The following HTRA1 variants were observed in gnomAD, a reference collection of about 807,000 sequenced individuals.
HTRA1 encodes the protein serine protease HTRA1.
In HTRA1, 26 loss-of-function variants were observed where a neutral mutation model predicts 49.7. The ratio of observed to expected loss-of-function variants is 0.52; its 90% CI spans 0.38 to 0.73. The LOEUF is 0.73. Among genes scored for constraint, HTRA1 ranks in the 30% least tolerant of loss-of-function variants. The pLI is 0.00. For synonymous variants in HTRA1, 291 were observed against 286.9 expected, an observed-to-expected ratio of 1.01 and a Z score of -0.14; for missense variants, 561 against 667.2, an observed-to-expected ratio of 0.84 and a Z score of 1.75.
At chr10:122,510,302 C>G (rs76357476) in intron 7 of HTRA1, 149 bp downstream of exon 7, 16,514 of 739,896 alleles carry the variant, frequency 0.022, 449 homozygotes, top group East Asian at 0.13. Flanking sequence ...GGAAAGAGGA[C>G]AGGTCATTAG....
chr10:122,513,657 T>TG (rs1381625003), intron 8 of HTRA1, among the ~76,000 whole-genome samples: 4 of 105,920 alleles, frequency 3.8e-5, no homozygotes, highest in Non-Finnish European at 7.7e-5. Flanking sequence ...AAAAAAAGAG[T>TG]GGGGAAAAAA....
At position 122,474,150 on chromosome 10, in the gene HTRA1, A is replaced by G. The variant is rs551873171; in HGVS notation, c.472+12026A>G. Among the ~76,000 whole-genome samples the G allele has an allele frequency of 2.0e-4, 31 of 152,326 alleles. 2 individuals are homozygous for G. The South Asian group carries it at 5.0e-3, about 24-fold the overall frequency. On this transcript the variant is annotated intron_variant, in intron 1 of 8. Transcript: ENST00000368984. ...CGCACTGAAAGGAAAACATGAGGAA[A>G]TGCACTTTTCAGATTTATTAGATCA... is the stretch of plus-strand genomic sequence containing the variant.
At chr10:122,508,908 G>A (rs2097504359) in intron 6 of HTRA1, 138 bp downstream of exon 6, 2 of 668,070 alleles carry the variant, frequency 3.0e-6, no homozygotes, top group Admixed American at 2.3e-5. Context: ...GAACGGGAAT[G>A]CACATTACTA....
intron 8 of HTRA1, 144 bp from the exon 9 acceptor site, chr10:122,514,047 G>A: frequency 1.2e-6 from 1 of 849,150 alleles, no homozygotes; most frequent in Non-Finnish European, 2.0e-6. Flanking sequence ...CCCACTGATG[G>A]TTTGAATTAT....
chr10:122,495,422 G>A (rs183481096), intron 3 of HTRA1, among the ~76,000 whole-genome samples: 159 of 152,272 alleles, frequency 1.0e-3, no homozygotes, highest in African/African-American at 3.7e-3. Flanking sequence ...TATTTCATGA[G>A]GGAATGTGAA....
At chr10:122,481,514 G>A (rs1242752309) in intron 1 of HTRA1, among the ~76,000 whole-genome samples, 3 of 152,190 alleles carry the variant, frequency 2.0e-5, no homozygotes, top group Non-Finnish European at 4.4e-5. Context: ...AGGGCAGATG[G>A]AGGGCTCCAC....
intron 5 of HTRA1, among the ~76,000 whole-genome samples, chr10:122,508,279 T>C (rs1364456079): frequency 6.6e-6 from 1 of 152,094 alleles, no homozygotes; most frequent in East Asian, 1.9e-4. Context: ...GTCAGCAGAG[T>C]CATCTTAAGA....
rs759778908 is a variant in HTRA1, at chr10:122,496,222, TG to T, written c.777+6599del. ...TTGCCCTTTCGTTTGCCAGAGATTG[TG>T]GGTTCTTTTTTTTTTTTTTTTTTTT... On this transcript the variant is annotated intron_variant, in intron 3 of 8. Coordinates refer to ENST00000368984, the MANE Select transcript of HTRA1 (RefSeq NM_002775.5). Among the ~76,000 whole-genome samples, 82 of 122,578 alleles carry T rather than the reference TG, an allele frequency of 6.7e-4. 2 individuals are homozygous for T. The highest frequency in any genetic ancestry group is 4.1e-3 in the East Asian group (15 of 3,698). 80.4% of individuals were successfully genotyped at this position (122,578 alleles called of 152,430 possible).
chr10:122,479,701 A>C (rs1174905370), intron 1 of HTRA1, among the ~76,000 whole-genome samples: 1 of 152,000 alleles, frequency 6.6e-6, no homozygotes, highest in Non-Finnish European at 1.5e-5. Flanking sequence ...AGAGGTCTGC[A>C]GGGTGGGAGT....
intron 1 of HTRA1, among the ~76,000 whole-genome samples, chr10:122,480,211 G>C (rs2097490388): frequency 6.6e-6 from 1 of 151,930 alleles, no homozygotes; most frequent in Admixed American, 6.5e-5. Context: ...CATTAACTTA[G>C]AGCCGAAAGG....
Position 122,511,967 on chromosome 10 carries a change from C to T in HTRA1, c.1179-3C>T. 2 of 1,612,656 alleles carry T rather than the reference C, an allele frequency of 1.2e-6. No homozygotes were observed. Among genetic ancestry groups the T allele is most frequent in the South Asian group, 1.1e-5 (1 of 91,030 alleles). On this transcript the variant is annotated splice_polypyrimidine_tract_variant and splice_region_variant and intron_variant, in intron 7 of 8. Transcript: ENST00000368984. ...TAACACGGGTGCTTTTTCTCTGGAG[C>T]AGCAAAGCCAAAGAGCTGAAGGACC...
intron 3 of HTRA1, among the ~76,000 whole-genome samples, chr10:122,497,684 C>A (rs966226623): frequency 6.6e-6 from 1 of 152,220 alleles, no homozygotes; most frequent in African/African-American, 2.4e-5. Context: ...GACCCAAATG[C>A]CAGGCCTTGG....
At chr10:122,497,076 T>A (rs1454307542) in intron 3 of HTRA1, among the ~76,000 whole-genome samples, 1 of 152,206 alleles carries the variant, frequency 6.6e-6, no homozygotes, top group African/African-American at 2.4e-5. Flanking sequence ...GATCTCTTTC[T>A]GTGGCAAGAG....
intron 1 of HTRA1, among the ~76,000 whole-genome samples, chr10:122,469,122 T>C (rs1435519825): frequency 6.6e-6 from 1 of 152,158 alleles, no homozygotes; most frequent in Non-Finnish European, 1.5e-5. Flanking sequence ...ACAACCTCAG[T>C]CCTAATGAGT....
intron 1 of HTRA1, among the ~76,000 whole-genome samples, chr10:122,484,081 G>T (rs545208520): frequency 1.3e-5 from 2 of 152,128 alleles, no homozygotes; most frequent in African/African-American, 4.8e-5. Context: ...ATTACTGAAC[G>T]GCAGCCAGTT....
chr10:122,470,889 T>TTGTCC (rs1463582286), intron 1 of HTRA1, among the ~76,000 whole-genome samples: 1 of 152,172 alleles, frequency 6.6e-6, no homozygotes, highest in African/African-American at 2.4e-5. Context: ...GCATGTTCTC[T>TTGTCC]TGTCCTACTG....
intron 3 of HTRA1, among the ~76,000 whole-genome samples, chr10:122,500,995 T>A (rs539667050): frequency 6.6e-6 from 1 of 152,286 alleles, no homozygotes; most frequent in East Asian, 1.9e-4. Context: ...CCCGCTGACC[T>A]CTGTGTGCCC....
rs2097507120 is a variant in HTRA1, at chr10:122,514,666, T to A, written c.*307T>A. On this transcript the variant is annotated 3_prime_UTR_variant, in exon 9 of 9. Transcript: ENST00000368984. ...GTCTCCTCCTTTAACTGAGTCATCA[T>A]CTTAGTCCAACTAATGCAGTCGATA... The A allele has an allele frequency of 1.8e-5, 7 of 396,438 alleles. No individual in the cohort carries two copies. Among genetic ancestry groups the A allele is most frequent in the Admixed American group, 3.6e-5 (1 of 27,492 alleles). The allele number at this position is 396,438 out of a possible 1,614,324, so 24.6% of individuals were successfully genotyped here.
At chr10:122,496,178 G>A in intron 3 of HTRA1, among the ~76,000 whole-genome samples, 1 of 142,318 alleles carries the variant, frequency 7.0e-6, no homozygotes, top group East Asian at 2.1e-4. Flanking sequence ...CGGCGAGCAG[G>A]AAGAGAAGCT....
Sources: allele counts gnomAD v4.1 joint callset (sites outside exome capture counted in the v4.1 genomes callset), GRCh38; gene constraint gnomAD v4.1.1; transcripts MANE v1.5; gene names NCBI Gene and HGNC (gene_info 2026-07-23, HGNC 2026-07-21).